PDCD10: variants seen among roughly 807,000 people sequenced by gnomAD.
PDCD10 encodes programmed cell death 10.
PDCD10 carries 4 observed loss-of-function variants against 29.2 expected under a neutral mutation model. The observed-to-expected ratio is 0.14, with a 90% confidence interval of 0.07 to 0.31. The LOEUF is 0.31. Among genes scored for constraint, PDCD10 ranks in the 10% least tolerant of loss-of-function variants. PDCD10 has a pLI of 1.00. For missense variants in PDCD10, 183 were observed against 257.9 expected (o/e 0.71, Z 1.99); for synonymous variants, 70 against 82.2 (o/e 0.85, Z 0.80).
intron 2 of PDCD10, among the ~76,000 whole-genome samples, chr3:167,721,632 C>T (rs1343771003): frequency 2.6e-5 from 4 of 152,192 alleles, no homozygotes; most frequent in Non-Finnish European, 4.4e-5. Flanking sequence ...TAGTATTCCA[C>T]CATATCGCTA....
intron 2 of PDCD10, among the ~76,000 whole-genome samples, chr3:167,728,776 T>C (rs1724488428): frequency 6.6e-6 from 1 of 152,126 alleles, no homozygotes; most frequent in East Asian, 1.9e-4. Context: ...ACAGTGTTAG[T>C]TGGAGATATG....
chr3:167,700,092 TAC>T (rs1196857070), intron 4 of PDCD10, among the ~76,000 whole-genome samples: 2 of 152,136 alleles, frequency 1.3e-5, no homozygotes, highest in Admixed American at 1.3e-4. Context: ...TAAACAAATA[TAC>T]AGATGCAATA....
intron 2 of PDCD10, among the ~76,000 whole-genome samples, chr3:167,722,496 T>C (rs1159232907): frequency 6.6e-6 from 1 of 152,226 alleles, no homozygotes. Flanking sequence ...TTTTAAGTGC[T>C]ACTGAGTATG....
chr3:167,734,469 G>C (rs577937135), intron 1 of PDCD10, 119 bp from the exon 2 acceptor site: 1 of 152,460 alleles, frequency 6.6e-6, no homozygotes, highest in East Asian at 1.9e-4. Flanking sequence ...CTCTCGGTCC[G>C]AAGCCACACC....
In PDCD10 at chr3:167,683,846, T is replaced by TATATATATATATATATATATACACACAC. The variant is rs1719296616; in HGVS notation, c.*461_*462insGTGTGTGTATATATATATATATATATAT. The TATATATATATATATATATATACACACAC allele has an allele frequency of 6.8e-6, 1 of 147,728 alleles. No individual in the cohort carries two copies. The highest frequency in any genetic ancestry group is 1.5e-5 in the Non-Finnish European group (1 of 66,962). The allele number at this position is 147,728 out of a possible 1,614,324, so 9.2% of individuals were successfully genotyped here. On this transcript the variant is annotated 3_prime_UTR_variant, in exon 9 of 9. Transcript: ENST00000392750. ...GTTGTCTTGGTCTTCTGTTCATATA[T>TATATATATATATATATATATACACACAC]ATATATATATATATATATATACACA...
At chr3:167,706,570 C>T (rs111306393) in intron 3 of PDCD10, among the ~76,000 whole-genome samples, 1 of 152,104 alleles carries the variant, frequency 6.6e-6, no homozygotes, top group Non-Finnish European at 1.5e-5. Context: ...TGTTGCGCTA[C>T]AATGAACAAT....
chr3:167,721,117 A>G (rs756591439), intron 2 of PDCD10, among the ~76,000 whole-genome samples: 9 of 152,220 alleles, frequency 5.9e-5, no homozygotes, highest in African/African-American at 1.4e-4. Flanking sequence ...CATGAAGTGA[A>G]TAACAGTAGT....
chr3:167,690,317 T>C (rs1720086431), intron 6 of PDCD10, among the ~76,000 whole-genome samples: 1 of 152,260 alleles, frequency 6.6e-6, no homozygotes. Context: ...TACGCATTTA[T>C]GCAAATGCAC....
chr3:167,707,910 A>G (rs767626236), intron 3 of PDCD10, among the ~76,000 whole-genome samples: 3 of 152,128 alleles, frequency 2.0e-5, no homozygotes, highest in Non-Finnish European at 4.4e-5. Context: ...AATCAGAGTG[A>G]GAGAAAAGGT....
intron 6 of PDCD10, among the ~76,000 whole-genome samples, chr3:167,692,896 C>T (rs1226190806): frequency 6.6e-6 from 1 of 152,138 alleles, no homozygotes; most frequent in Non-Finnish European, 1.5e-5. Flanking sequence ...CCAGCCTGGG[C>T]GACAGAGCAA....
intron 4 of PDCD10, chr3:167,704,505 G>C: frequency 4.6e-6 from 1 of 217,242 alleles, no homozygotes. Flanking sequence ...TGGGATGACA[G>C]GTATGAGTCA....
intron 2 of PDCD10, among the ~76,000 whole-genome samples, chr3:167,727,998 T>A (rs1339716539): frequency 6.6e-6 from 1 of 152,238 alleles, no homozygotes; most frequent in African/African-American, 2.4e-5. Context: ...TAGCTCCCAA[T>A]TGATCTCAAA....
At chr3:167,700,457 T>C (rs1304616043) in intron 4 of PDCD10, among the ~76,000 whole-genome samples, 1 of 151,656 alleles carries the variant, frequency 6.6e-6, no homozygotes, top group Non-Finnish European at 1.5e-5. Flanking sequence ...ACTGAATTGC[T>C]TGAATACAGT....
At chr3:167,702,192 G>A (rs187088390) in intron 4 of PDCD10, among the ~76,000 whole-genome samples, 2 of 152,190 alleles carry the variant, frequency 1.3e-5, no homozygotes, top group African/African-American at 4.8e-5. Context: ...TACACTAAGT[G>A]TGCCTGCCTC....
rs927454227 is a variant in PDCD10 at position 167,695,610 on chromosome 3, A to G, written c.381T>C (p.Phe127=). 1 of 1,613,616 alleles carries G rather than the reference A, an allele frequency of 6.2e-7. No individual in the cohort carries two copies. Among genetic ancestry groups the G allele is most frequent in the Non-Finnish European group, 8.5e-7 (1 of 1,179,502 alleles). Residue 127 remains phenylalanine (F), a synonymous_variant, in exon 6 of 9, where the codon TTT becomes TTC. Coordinates refer to ENST00000392750, the MANE Select transcript of PDCD10 (RefSeq NM_007217.4). ...TAATTGCTTACTTGATTGTCTGCAG[A>G]AACCTCACTCTGTCATTGATCTCAT... ...IPDEINDRVR[F]LQTIKDIASA...
At chr3:167,713,404 TACCAAA>T (rs1274380649) in intron 3 of PDCD10, among the ~76,000 whole-genome samples, 1 of 151,876 alleles carries the variant, frequency 6.6e-6, no homozygotes, top group African/African-American at 2.4e-5. Flanking sequence ...AAACACAACA[TACCAAA>T]ACCTATGGGA....
chr3:167,692,317 T>G (rs1720330714), intron 6 of PDCD10, among the ~76,000 whole-genome samples: 1 of 152,170 alleles, frequency 6.6e-6, no homozygotes, highest in Admixed American at 6.5e-5. Flanking sequence ...AAACATGAAA[T>G]TCATTTATGT....
At chr3:167,713,225 T>G (rs1027530650) in intron 3 of PDCD10, among the ~76,000 whole-genome samples, 6 of 151,966 alleles carry the variant, frequency 3.9e-5, no homozygotes, top group African/African-American at 1.2e-4. Context: ...ATTCAACTAG[T>G]ATCAAACATC....
chr3:167,716,445 T>C (rs1256767201), intron 3 of PDCD10, among the ~76,000 whole-genome samples: 1 of 151,950 alleles, frequency 6.6e-6, no homozygotes, highest in Non-Finnish European at 1.5e-5. Context: ...GATAAATACT[T>C]GAGGGGATGG....
Sources: allele counts gnomAD v4.1 joint callset (sites outside exome capture counted in the v4.1 genomes callset), GRCh38; gene constraint gnomAD v4.1.1; transcripts MANE v1.5; gene names NCBI Gene and HGNC (gene_info 2026-07-23, HGNC 2026-07-21).